The following TROAP variants were observed in gnomAD, a reference collection of about 807,000 sequenced individuals.
The protein encoded by TROAP is trophinin associated protein.
TROAP carries 62 observed loss-of-function variants against 83.4 expected under a neutral mutation model. The ratio of observed to expected loss-of-function variants is 0.74; its 90% CI spans 0.61 to 0.92. TROAP has a LOEUF of 0.92. TROAP is among the 40% of genes least tolerant of loss of function. TROAP has a pLI of 0.00. For synonymous variants in TROAP, 352 were observed against 386.4 expected (o/e 0.91, Z 1.04); for missense variants, 876 against 985.1 (o/e 0.89, Z 1.48).
chr12:49,327,130 T>C (rs958918318), intron 7 of TROAP, 79 bp from the exon 8 acceptor site: 1 of 1,578,886 alleles, frequency 6.3e-7, no homozygotes, highest in Non-Finnish European at 8.7e-7. Flanking sequence ...TAATATACCC[T>C]CTTCAGAAGT....
chr12:49,324,079 T>G, intron 3 of TROAP, 42 bp downstream of exon 3: 1 of 1,612,214 alleles, frequency 6.2e-7, no homozygotes. Context: ...CATGGCTGAG[T>G]AGGGGACTAG....
chr12:49,327,806 A>AATC (rs1213619344), intron 8 of TROAP, among the ~76,000 whole-genome samples: 2 of 152,132 alleles, frequency 1.3e-5, no homozygotes, highest in Middle Eastern at 6.3e-3. Context: ...TAATAATAAT[A>AATC]ATAAGGCACT....
rs1435413203 is a variant in TROAP, at chr12:49,325,567, G to A, written c.404G>A (p.Gly135Asp). 6.2e-7 allele frequency: 1 copy of A among 1,614,032 alleles called. No individual in the cohort carries two copies. The highest frequency in any genetic ancestry group is 8.5e-7 in the Non-Finnish European group (1 of 1,180,032). The change falls in exon 4 of 15, where the codon GGT becomes GAT. Residue 135 changes from glycine (G) to aspartate (D), a missense_variant. Gly to Asp is a moderately conservative substitution (Grantham distance 94). Around this residue, in one of 3 missense-constraint regions of TROAP, gnomAD observed 689 missense variants for 722.6 expected, o/e 0.95. Transcript: ENST00000257909. Reference sequence around the variant, plus strand: ...CTGGCCACCATCCTGTCAGGTGAGGGTGTGAAGAGCTGTCACCTGGGGCGC... The same window carrying A: ...CTGGCCACCATCCTGTCAGGTGAGGATGTGAAGAGCTGTCACCTGGGGCGC... ...AALATILSGE[G>D]VKSCHLGRQP...
intron 6 of TROAP, 161 bp from the exon 7 acceptor site, chr12:49,326,507 A>G: frequency 1.1e-6 from 1 of 875,544 alleles, no homozygotes; most frequent in Non-Finnish European, 1.7e-6. Flanking sequence ...GCTTGCCTTC[A>G]CCTCTCTGAG....
intron 7 of TROAP, 112 bp downstream of exon 7, chr12:49,326,832 C>A (rs937457051): frequency 3.3e-6 from 4 of 1,217,744 alleles, no homozygotes; most frequent in Non-Finnish European, 3.4e-6. Flanking sequence ...AGTGGGAGGC[C>A]GGGAGGCTAG....
chr12:49,330,302 C>T lies in TROAP; in HGVS notation c.1457C>T (p.Ser486Phe). Reference sequence around the variant, plus strand: ...ACTCTGAATGCCACAGAGCATAACTCTGGGACTTCCCACCTTCCTGGACTG... The same window carrying T: ...ACTCTGAATGCCACAGAGCATAACTTTGGGACTTCCCACCTTCCTGGACTG... ...SRTLNATEHN[S>F]GTSHLPGLLK... Residue 486 changes from serine to phenylalanine, a missense_variant, in exon 13 of 15, where the codon TCT (serine) becomes TTT (phenylalanine). Transcript: ENST00000257909. 2.5e-6 allele frequency: 4 copies of T among 1,612,032 alleles called. No individual in the cohort carries two copies. In the African/African-American group the frequency reaches 4.1e-5, roughly 17 times the overall value.
Position 49,323,363 on chromosome 12 carries a change from G to A in TROAP, c.-6+14G>A. On this transcript the variant is annotated intron_variant, in intron 1 of 14. Coordinates refer to ENST00000257909, the MANE Select transcript of TROAP (RefSeq NM_005480.4). ...GGCCTCGGTAAGGTAAGGCACGGGG[G>A]TCTTGAAGGGAACGAAGGCTGCTGG... The A allele has an allele frequency of 3.8e-6, 2 of 523,592 alleles. No homozygotes were observed. Among genetic ancestry groups the A allele is most frequent in the Non-Finnish European group, 6.8e-6 (2 of 294,906 alleles). The allele number at this position is 523,592 out of a possible 1,614,324, so 32.4% of individuals were successfully genotyped here.
Position 49,325,831 on chromosome 12 carries a change from G to C in TROAP, c.580G>C (p.Glu194Gln). 1 of 1,614,112 alleles carries C rather than the reference G, an allele frequency of 6.2e-7. No homozygotes were observed. Among genetic ancestry groups the C allele is most frequent in the Non-Finnish European group, 8.5e-7 (1 of 1,180,024 alleles). ...PARASCFSRL[E>Q]GPGPRGRTLC... ...CAGGGCTTCCTGCTTCTCTAGGCTG[G>C]AGGGACCAGGACCTCGAGGCCGGAC... Residue 194 changes from glutamate to glutamine, a missense_variant, in exon 5 of 15, where the codon GAG becomes CAG. By Grantham distance (29) the Glu-to-Gln change is conservative. Coordinates refer to ENST00000257909, the MANE Select transcript of TROAP (RefSeq NM_005480.4).
chr12:49,325,387 G>C, intron 3 of TROAP, 114 bp from the exon 4 acceptor site: 1 of 1,032,538 alleles, frequency 9.7e-7, no homozygotes, highest in Non-Finnish European at 1.3e-6. Context: ...AAAAAAATAA[G>C]CCAAATTCAA....
rs368665336 is a variant in TROAP, at chr12:49,330,957, T to G, written c.2098+14T>G. ...CAGGCCAGGCAGGTAAGGAGTTGGC[T>G]GGGAAGGAGTGTGAACACAAGAGGT... On this transcript the variant is annotated intron_variant, in intron 13 of 14. Coordinates refer to ENST00000257909, the MANE Select transcript of TROAP (RefSeq NM_005480.4). 359 of 1,608,322 alleles carry G rather than the reference T, an allele frequency of 2.2e-4. 1 individual carries two copies. The highest frequency in any genetic ancestry group is 2.8e-4 in the Non-Finnish European group (325 of 1,179,958).
Position 49,327,191 on chromosome 12 carries a change from T to C in TROAP, c.770-18T>C, listed in dbSNP as rs200842033. The C allele has an allele frequency of 5.0e-6, 8 of 1,613,696 alleles. No homozygotes were observed. In the Admixed American group the frequency reaches 1.0e-4, roughly 20 times the overall value. ...TGGGTGTTCTAGAGTCTACAACAAA[T>C]GTCCTGTTTCTTCCTAGCTTTCTCT... On this transcript the variant is annotated intron_variant, in intron 7 of 14. Coordinates refer to ENST00000257909, the MANE Select transcript of TROAP (RefSeq NM_005480.4).
At chr12:49,324,094 G>A (rs1350647284) in intron 3 of TROAP, 57 bp downstream of exon 3, 2 of 1,613,264 alleles carry the variant, frequency 1.2e-6, no homozygotes, top group South Asian at 2.2e-5. Context: ...GACTAGGAAG[G>A]GTAAAAGTGG....
intron 8 of TROAP, 64 bp downstream of exon 8, chr12:49,327,394 T>C: frequency 6.3e-7 from 1 of 1,589,782 alleles, no homozygotes; most frequent in South Asian, 1.1e-5. Context: ...AGAATTTTGC[T>C]GCAGCAGCCA....
intron 3 of TROAP, 149 bp downstream of exon 3, chr12:49,324,186 T>A (rs368249300): frequency 4.3e-6 from 7 of 1,614,012 alleles, no homozygotes; most frequent in Non-Finnish European, 5.9e-6. Flanking sequence ...AGCTCTTTGC[T>A]CTTAGAAGAT....
rs765436634 is a variant in TROAP, at chr12:49,328,892, C to A, written c.892-35C>A. ...AAAAAAAATAGGAAGACAAAGGGGG[C>A]GGGGATCACTCTTCCACCTTTTTCT... On this transcript the variant is annotated intron_variant, in intron 8 of 14. Coordinates refer to ENST00000257909, the MANE Select transcript of TROAP (RefSeq NM_005480.4). The A allele has an allele frequency of 2.0e-6, 3 of 1,511,140 alleles. No individual in the cohort carries two copies. In the East Asian group the frequency reaches 6.9e-5, roughly 35 times the overall value. The allele number at this position is 1,511,140 out of a possible 1,614,324, so 93.6% of individuals were successfully genotyped here. A position where few individuals can be genotyped will look rare whatever the true frequency, so the allele number is the denominator to read the frequency against.
Position 49,331,556 on chromosome 12 carries a change from GTCT to G in TROAP, c.2293-13_2293-11del. 1.2e-6 allele frequency: 2 copies of G among 1,614,148 alleles called. No homozygotes were observed. The highest frequency in any genetic ancestry group is 1.3e-5 in the African/African-American group (1 of 75,024). ...GCAAGGTTGGCTGAGCTGTGACAAG[GTCT>G]TCTCTGTCTCCAGTGTTTCATTCCA... On this transcript the variant is annotated splice_polypyrimidine_tract_variant and intron_variant, in intron 14 of 14. Coordinates refer to ENST00000257909, the MANE Select transcript of TROAP (RefSeq NM_005480.4).
chr12:49,330,375 G>C lies in TROAP; in HGVS notation c.1530G>C (p.Gly510=). ...AGCCCTGTCTTCCAGAGGAGTGCGG[G>C]GAACCACAGCCCTGCCCTCCGGCAG... ...LPKPCLPEEC[G]EPQPCPPAEP... Residue 510 remains glycine (G), a synonymous_variant, in exon 13 of 15, where the codon GGG becomes GGC. Coordinates refer to ENST00000257909, the MANE Select transcript of TROAP (RefSeq NM_005480.4). The C allele has an allele frequency of 6.2e-7, 1 of 1,614,148 alleles. No individual in the cohort carries two copies. Among genetic ancestry groups the C allele is most frequent in the Non-Finnish European group, 8.5e-7 (1 of 1,179,994 alleles).
In TROAP at chr12:49,323,771, G is replaced by T. The variant is rs1391788365; in HGVS notation, c.144+19G>T. ...TCCAAGGGTAAGAGGGGCCTAATGG[G>T]GGAAGACAGTAGTCACACCAGTAAT... On this transcript the variant is annotated intron_variant, in intron 2 of 14. Transcript: ENST00000257909. 1.2e-6 allele frequency: 2 copies of T among 1,614,050 alleles called. No homozygotes were observed. Among genetic ancestry groups the T allele is most frequent in the South Asian group, 2.2e-5 (2 of 91,082 alleles).
In TROAP at chr12:49,330,730, C is replaced by T. The variant is rs1259778386; in HGVS notation, c.1885C>T (p.Gln629Ter). The T allele has an allele frequency of 6.2e-7, 1 of 1,614,028 alleles. No individual in the cohort carries two copies. The highest frequency in any genetic ancestry group is 8.5e-7 in the Non-Finnish European group (1 of 1,179,960). Reference sequence around the variant, plus strand: ...GCCCCTTCAGCCCAGCACCCAGGGGCAGTCTGGACCCCCAGGGCCCTGCCC... The same window carrying T: ...GCCCCTTCAGCCCAGCACCCAGGGGTAGTCTGGACCCCCAGGGCCCTGCCC... ...PGPLQPSTQG[Q>*]SGPPGPCPRV... The change falls in exon 13 of 15, where the codon CAG (glutamine) becomes TAG (stop). Residue 629 changes from glutamine to a stop codon, truncating the protein, a stop_gained. Transcript: ENST00000257909. LOFTEE classifies it high-confidence loss of function.
Sources: gnomAD v4.1 joint callset for allele counts (sites outside exome capture counted in the v4.1 genomes callset) on GRCh38, gnomAD v4.1.1 for gene constraint, gnomAD v4.1.1 regional missense constraint, MANE v1.5 for transcripts, NCBI Gene and HGNC (gene_info 2026-07-23, HGNC 2026-07-21) for gene names.